The following CCNYL1 variants were observed in gnomAD, a reference collection of about 807,000 sequenced individuals.
The protein encoded by CCNYL1 is cyclin Y like 1.
A neutral mutation model predicts 44.2 loss-of-function variants in CCNYL1; 16 were observed. The ratio of observed to expected loss-of-function variants is 0.36; its 90% CI spans 0.25 to 0.55. The LOEUF (loss-of-function observed/expected upper bound fraction) is 0.55, where lower values mean the gene tolerates loss of function less well. Among genes scored for constraint, CCNYL1 ranks in the 20% least tolerant of loss-of-function variants. The probability of loss-of-function intolerance (pLI) is 0.85; values close to 1 mark genes in which losing one functional copy is unlikely to be tolerated. For missense variants in CCNYL1, 348 were observed against 451.8 expected (o/e 0.77, Z 2.08); for synonymous variants, 159 against 163.2 (o/e 0.97, Z 0.20).
Position 207,754,924 on chromosome 2 carries a change from C to T in CCNYL1, c.*1226C>T, listed in dbSNP as rs1457623310. On this transcript the variant is annotated 3_prime_UTR_variant, in exon 10 of 10. Coordinates refer to ENST00000295414, the MANE Select transcript of CCNYL1 (RefSeq NM_001330218.2). ...TGAAGCTGGGTGTGGTGGTGCACGC[C>T]TATAGTCCCAGCTACTTGGGAGGCT... 6.6e-6 allele frequency: 1 copy of T among 152,100 alleles called. No homozygotes were observed. Among genetic ancestry groups the T allele is most frequent in the East Asian group, 1.9e-4 (1 of 5,154 alleles). The allele number at this position is 152,100 out of a possible 1,614,324, so 9.4% of individuals were successfully genotyped here.
At position 207,755,038 on chromosome 2, in the gene CCNYL1, GACA is replaced by G. The variant is rs1005884833; in HGVS notation, c.*1343_*1345del. ...GGAATAGCTACTACACTCCAACCTG[GACA>G]ACGTTATCAAGACCCCATCTCTTAG... On this transcript the variant is annotated 3_prime_UTR_variant, in exon 10 of 10. Coordinates refer to ENST00000295414, the MANE Select transcript of CCNYL1 (RefSeq NM_001330218.2). 10 of 151,864 alleles carry G rather than the reference GACA, an allele frequency of 6.6e-5. No homozygotes were observed. Among genetic ancestry groups the G allele is most frequent in the African/African-American group, 2.4e-4 (10 of 41,330 alleles). The allele number at this position is 151,864 out of a possible 1,614,324, so 9.4% of individuals were successfully genotyped here.
At chr2:207,746,718 G>C (rs1180016682) in intron 7 of CCNYL1, among the ~76,000 whole-genome samples, 1 of 152,200 alleles carries the variant, frequency 6.6e-6, no homozygotes, top group Non-Finnish European at 1.5e-5. Context: ...GGTGGCTTAC[G>C]CCTGTAATCC....
chr2:207,721,589 T>A (rs2091640305), intron 1 of CCNYL1, among the ~76,000 whole-genome samples: 1 of 152,222 alleles, frequency 6.6e-6, no homozygotes, highest in African/African-American at 2.4e-5. Context: ...TTGCCCCCCA[T>A]CATACTATCA....
chr2:207,723,181 G>A (rs541040753), intron 1 of CCNYL1, among the ~76,000 whole-genome samples: 5 of 152,306 alleles, frequency 3.3e-5, no homozygotes, highest in Non-Finnish European at 7.3e-5. Flanking sequence ...TTTCCATGGA[G>A]AACAAAGCAG....
In CCNYL1 at chr2:207,724,873, T is replaced by C. The variant is rs1246026291; in HGVS notation, c.294T>C (p.Asp98=). 1 of 1,610,042 alleles carries C rather than the reference T, an allele frequency of 6.2e-7. No individual in the cohort carries two copies. Among genetic ancestry groups the C allele is most frequent in the Non-Finnish European group, 8.5e-7 (1 of 1,177,574 alleles). The change falls in exon 2 of 10, where the codon GAT becomes GAC. Residue 98 remains aspartate (D), a splice_region_variant and synonymous_variant. Coordinates refer to ENST00000295414, the MANE Select transcript of CCNYL1 (RefSeq NM_001330218.2). ...TTTTCCTGAGCAAATCTCAAACGGA[T>C]GGTAAGACAATACTGTTTTTTCCTT... ...STIFLSKSQT[D]VREKRKSNHL...
intron 2 of CCNYL1, 44 bp downstream of exon 2, chr2:207,724,918 C>T (rs1209317179): frequency 1.4e-5 from 20 of 1,450,302 alleles, no homozygotes; most frequent in Middle Eastern, 1.8e-4. Flanking sequence ...AGACTGAAAA[C>T]TGTTTCTATT....
At chr2:207,735,327 A>G (rs2551960) in intron 4 of CCNYL1, among the ~76,000 whole-genome samples, 23,653 of 152,218 alleles carry the variant, frequency 0.16, 3,035 homozygotes, top group East Asian at 0.38. Flanking sequence ...TTATTCTCAT[A>G]GGTTGGGTGA....
intron 9 of CCNYL1, among the ~76,000 whole-genome samples, chr2:207,752,473 G>A (rs1355299179): frequency 1.3e-5 from 2 of 151,926 alleles, no homozygotes; most frequent in African/African-American, 4.8e-5. Context: ...GGCGGAGGCT[G>A]CAGTGAGCCG....
chr2:207,750,376 G>A (rs2105842041), intron 8 of CCNYL1, among the ~76,000 whole-genome samples: 1 of 152,132 alleles, frequency 6.6e-6, no homozygotes, highest in South Asian at 2.1e-4. Flanking sequence ...CAGGGGGAGG[G>A]GATTCCCTTC....
chr2:207,724,847 A>G lies in CCNYL1; in HGVS notation c.268A>G (p.Ile90Val), dbSNP rs866480151. ...TTCTGACCATCCAAGGGCAAGCACA[A>G]TTTTCCTGAGCAAATCTCAAACGGA... is the stretch of plus-strand genomic sequence containing the variant. ...NPSDHPRASTIFLSKSQTDVR... is the reference protein window; with the variant it reads ...NPSDHPRASTVFLSKSQTDVR... The change falls in exon 2 of 10, where the codon ATT becomes GTT. Residue 90 changes from isoleucine to valine, a missense_variant. Ile to Val is a conservative substitution (Grantham distance 29). Coordinates refer to ENST00000295414, the MANE Select transcript of CCNYL1 (RefSeq NM_001330218.2). The G allele has an allele frequency of 2.5e-6, 4 of 1,613,138 alleles. No homozygotes were observed. The highest frequency in any genetic ancestry group is 2.2e-5 in the South Asian group (2 of 90,780).
chr2:207,753,915 C>A lies in CCNYL1; in HGVS notation c.*217C>A. 2.3e-6 allele frequency: 1 copy of A among 430,560 alleles called. No individual in the cohort carries two copies. 26.7% of individuals were successfully genotyped at this position (430,560 alleles called of 1,614,324 possible). A position where few individuals can be genotyped will look rare whatever the true frequency, so the allele number is the denominator to read the frequency against. ...ACTCTTCTGTCCTTTTTAATGTAAACAGAGTTACAAAAACCACTCCAAAGT... is the reference window on the plus strand; with the variant it reads ...ACTCTTCTGTCCTTTTTAATGTAAAAAGAGTTACAAAAACCACTCCAAAGT... On this transcript the variant is annotated 3_prime_UTR_variant, in exon 10 of 10. Transcript: ENST00000295414.
chr2:207,733,295 C>A (rs916476587), intron 3 of CCNYL1, among the ~76,000 whole-genome samples: 4 of 152,144 alleles, frequency 2.6e-5, no homozygotes, highest in African/African-American at 9.7e-5. Context: ...AATGTAATGG[C>A]AGTTTTATTT....
In CCNYL1 at chr2:207,712,019, G is replaced by GGCGGTA; in HGVS notation, c.127_132dup (p.Val43_Ala44dup). ...ACGAGGCGGTGTCCGGGGACGCGGT[G>GGCGGTA]GCGGTAGCGCCCGCTGTGGTGGAGC... On this transcript the variant is annotated inframe_insertion, in exon 1 of 10. Coordinates refer to ENST00000295414, the MANE Select transcript of CCNYL1 (RefSeq NM_001330218.2). The GGCGGTA allele has an allele frequency of 2.0e-6, 3 of 1,493,780 alleles. No homozygotes were observed. Among genetic ancestry groups the GGCGGTA allele is most frequent in the Admixed American group, 4.5e-5 (2 of 44,604 alleles). The allele number at this position is 1,493,780 out of a possible 1,614,324, so 92.5% of individuals were successfully genotyped here. A position where few individuals can be genotyped will look rare whatever the true frequency, so the allele number is the denominator to read the frequency against.
intron 1 of CCNYL1, among the ~76,000 whole-genome samples, chr2:207,715,936 A>C (rs553399216): frequency 6.6e-5 from 10 of 151,906 alleles, no homozygotes; most frequent in African/African-American, 2.4e-4. Context: ...TCAACCTCCC[A>C]AAGTGCTGGG....
At chr2:207,725,092 C>T (rs2091670160) in intron 2 of CCNYL1, among the ~76,000 whole-genome samples, 1 of 150,408 alleles carries the variant, frequency 6.6e-6, no homozygotes, top group Admixed American at 6.6e-5. Context: ...CTTTTTATAA[C>T]ACAATTAATT....
intron 1 of CCNYL1, among the ~76,000 whole-genome samples, chr2:207,723,938 G>A (rs753949622): frequency 3.5e-4 from 52 of 148,058 alleles, no homozygotes; most frequent in African/African-American, 1.0e-3. Flanking sequence ...TTTTCCCCTC[G>A]TGACAATTTT....
intron 1 of CCNYL1, among the ~76,000 whole-genome samples, chr2:207,724,348 AT>A (rs1312818849): frequency 6.6e-6 from 1 of 152,194 alleles, no homozygotes; most frequent in Non-Finnish European, 1.5e-5. Context: ...TCTAAAGAAC[AT>A]TTGCCAAAAA....
In CCNYL1 at chr2:207,755,883, C is replaced by G. The variant is rs2091928468; in HGVS notation, c.*2185C>G. 1 of 152,160 alleles carries G rather than the reference C, an allele frequency of 6.6e-6. No individual in the cohort carries two copies. The allele number at this position is 152,160 out of a possible 1,614,324, so 9.4% of individuals were successfully genotyped here. ...CTCAAATCTAATCCTAGGAATCTTGCTTATAAACAAAGCATTTCTGGGACA... is the reference window on the plus strand; with the variant it reads ...CTCAAATCTAATCCTAGGAATCTTGGTTATAAACAAAGCATTTCTGGGACA... On this transcript the variant is annotated 3_prime_UTR_variant, in exon 10 of 10. Coordinates refer to ENST00000295414, the MANE Select transcript of CCNYL1 (RefSeq NM_001330218.2).
At chr2:207,714,304 T>G in intron 1 of CCNYL1, 1 of 420,596 alleles carries the variant, frequency 2.4e-6, no homozygotes, top group Non-Finnish European at 4.6e-6. Context: ...GAGGCAACAC[T>G]TACATCTCTT....
Sources: allele counts gnomAD v4.1 joint callset (sites outside exome capture counted in the v4.1 genomes callset), GRCh38; gene constraint gnomAD v4.1.1; transcripts MANE v1.5; gene names NCBI Gene and HGNC (gene_info 2026-07-23, HGNC 2026-07-21).